The following ADAMTS20 variants were observed in gnomAD, a reference collection of about 807,000 sequenced individuals.
The protein encoded by ADAMTS20 is A disintegrin and metalloproteinase with thrombospondin motifs 20.
Under a neutral mutation model 260.1 loss-of-function variants are expected in ADAMTS20, and 225 were observed. The observed-to-expected ratio is 0.87, with a 90% CI of 0.78 to 0.97. The LOEUF is 0.97. Ranked by LOEUF, ADAMTS20 falls within the 50% of genes least tolerant of loss-of-function variation. The probability of loss-of-function intolerance (pLI) is 0.00; values close to 1 mark genes in which losing one functional copy is unlikely to be tolerated. For synonymous variants in ADAMTS20, 802 were observed against 769.5 expected, an observed-to-expected ratio of 1.04 and a Z score of -0.70; for missense variants, 2,400 against 2,337.7, an observed-to-expected ratio of 1.03 and a Z score of -0.55.
intron 7 of ADAMTS20, among the ~76,000 whole-genome samples, chr12:43,472,061 C>T (rs951650362): frequency 2.0e-5 from 3 of 151,822 alleles, no homozygotes; most frequent in Non-Finnish European, 2.9e-5. Flanking sequence ...ACATTCAAAC[C>T]AAAGGCAGAG....
chr12:43,377,266 A>T lies in ADAMTS20; in HGVS notation c.4995+99T>A, dbSNP rs778214099. 3.4e-4 allele frequency: 355 copies of T among 1,045,382 alleles called. 1 individual carries two copies. The highest frequency in any genetic ancestry group is 4.4e-4 in the Non-Finnish European group (332 of 746,994). 64.8% of individuals were successfully genotyped at this position (1,045,382 alleles called of 1,614,324 possible). On this transcript the variant is annotated intron_variant, in intron 32 of 38. Coordinates refer to ENST00000389420, the MANE Select transcript of ADAMTS20 (RefSeq NM_025003.5). ...ATTTTAGAAAATAGTGGTCTGAGGC[A>T]ACTCTGAGGATCTAGTTAGACATAC...
intron 7 of ADAMTS20, among the ~76,000 whole-genome samples, chr12:43,477,655 T>C (rs1942379772): frequency 6.6e-6 from 1 of 150,926 alleles, no homozygotes; most frequent in East Asian, 1.9e-4. Context: ...GTCTCTTTCT[T>C]TCTCTCTCTC....
intron 31 of ADAMTS20, among the ~76,000 whole-genome samples, chr12:43,379,030 C>T (rs545699652): frequency 2.0e-5 from 3 of 152,246 alleles, no homozygotes; most frequent in East Asian, 3.9e-4. Flanking sequence ...AATCAACAGC[C>T]CTGTGATTAT....
intron 3 of ADAMTS20, among the ~76,000 whole-genome samples, chr12:43,518,577 C>A (rs1283863789): frequency 6.6e-6 from 1 of 151,978 alleles, no homozygotes; most frequent in Non-Finnish European, 1.5e-5. Context: ...TCTCATTCAG[C>A]CTTATATCTT....
At chr12:43,433,703 AACACACACACACACACAC>A (rs56226241) in intron 19 of ADAMTS20, 7 of 356,866 alleles carry the variant, frequency 2.0e-5, no homozygotes, top group Admixed American at 3.8e-5. Flanking sequence ...TGCACACACA[AACACACACACACACACAC>A]ACACACACAC....
chr12:43,521,966 G>A (rs1302609212), intron 3 of ADAMTS20, among the ~76,000 whole-genome samples: 1 of 152,010 alleles, frequency 6.6e-6, no homozygotes, highest in Admixed American at 6.6e-5. Context: ...AAGACTATAA[G>A]AATAAATAAA....
intron 28 of ADAMTS20, among the ~76,000 whole-genome samples, chr12:43,401,296 T>C (rs1258828169): frequency 1.3e-5 from 2 of 151,990 alleles, no homozygotes; most frequent in African/African-American, 2.4e-5. Context: ...GTGTCTGTTT[T>C]GTAAAATTCC....
At position 43,464,751 on chromosome 12, in the gene ADAMTS20, A is replaced by G; in HGVS notation, c.1368-19T>C. 6.2e-7 allele frequency: 1 copy of G among 1,602,256 alleles called. No homozygotes were observed. Among genetic ancestry groups the G allele is most frequent in the Non-Finnish European group, 8.5e-7 (1 of 1,174,624 alleles). On this transcript the variant is annotated intron_variant, in intron 9 of 38. Coordinates refer to ENST00000389420, the MANE Select transcript of ADAMTS20 (RefSeq NM_025003.5). ...ACCAGTACTGTAACAGTGACAGAAA[A>G]TAAAATATTGTGAATACACATGGAT... is the stretch of plus-strand genomic sequence containing the variant.
At chr12:43,466,582 C>T in intron 9 of ADAMTS20, 70 bp downstream of exon 9, 1 of 1,432,986 alleles carries the variant, frequency 7.0e-7, no homozygotes, top group Non-Finnish European at 9.6e-7. Flanking sequence ...AATTGAACCA[C>T]CTTTAAAAAT....
chr12:43,388,211 A>G (rs1271787876), intron 29 of ADAMTS20, among the ~76,000 whole-genome samples: 1 of 152,146 alleles, frequency 6.6e-6, no homozygotes, highest in East Asian at 1.9e-4. Context: ...GGGGAAAAGC[A>G]TAGTATCCGG....
chr12:43,433,694 GCACACACAAACACACACACACA>G (rs1420049593), intron 19 of ADAMTS20: 1 of 309,938 alleles, frequency 3.2e-6, no homozygotes, highest in East Asian at 1.1e-4. Context: ...ACACACACAT[GCACACACAAACACACACACACA>G]CACACACACA....
intron 3 of ADAMTS20, among the ~76,000 whole-genome samples, chr12:43,504,817 G>A (rs563672668): frequency 7.3e-5 from 11 of 151,516 alleles, no homozygotes; most frequent in Non-Finnish European, 1.5e-4. Context: ...ATTCAACCAA[G>A]AGACAAAAAA....
At chr12:43,366,846 A>T (rs1939997431) in intron 37 of ADAMTS20, among the ~76,000 whole-genome samples, 1 of 151,924 alleles carries the variant, frequency 6.6e-6, no homozygotes, top group Non-Finnish European at 1.5e-5. Context: ...AAAAGGAAAA[A>T]TAATCTCAAA....
chr12:43,354,385 A>G, intron 38 of ADAMTS20, 87 bp from the exon 39 acceptor site: 1 of 930,654 alleles, frequency 1.1e-6, no homozygotes, highest in Non-Finnish European at 1.7e-6. Flanking sequence ...GCTTTGAATC[A>G]TATGGCTAAA....
intron 7 of ADAMTS20, among the ~76,000 whole-genome samples, chr12:43,484,946 C>T (rs138748839): frequency 1.3e-5 from 2 of 152,114 alleles, no homozygotes; most frequent in East Asian, 1.9e-4. Flanking sequence ...CAGGGCCAGA[C>T]GGATTCACTA....
At chr12:43,439,782 A>C in intron 17 of ADAMTS20, 31 bp from the exon 18 acceptor site, 1 of 1,574,250 alleles carries the variant, frequency 6.4e-7, no homozygotes, top group Non-Finnish European at 8.6e-7. Flanking sequence ...ACATACAATT[A>C]ATACATAAAA....
chr12:43,552,011 C>T lies in ADAMTS20; in HGVS notation c.-90G>A. The T allele has an allele frequency of 1.8e-6, 2 of 1,082,786 alleles. No homozygotes were observed. The highest frequency in any genetic ancestry group is 2.1e-4 in the Middle Eastern group (1 of 4,738). The allele number at this position is 1,082,786 out of a possible 1,614,324, so 67.1% of individuals were successfully genotyped here. On this transcript the variant is annotated 5_prime_UTR_variant, in exon 1 of 39. Transcript: ENST00000389420. ...CCTCGCGCTCCGATCCCTCTCCTCC[C>T]TCTCGCCCGCCGCTCTCCGCGCCTC... is the stretch of plus-strand genomic sequence containing the variant.
chr12:43,455,954 T>C (rs906004397), intron 11 of ADAMTS20, among the ~76,000 whole-genome samples: 2 of 152,160 alleles, frequency 1.3e-5, no homozygotes, highest in African/African-American at 4.8e-5. Context: ...CCTTTAGATA[T>C]TGTGAAAAAT....
At chr12:43,488,019 T>C in intron 7 of ADAMTS20, among the ~76,000 whole-genome samples, 1 of 152,168 alleles carries the variant, frequency 6.6e-6, no homozygotes, top group Admixed American at 6.5e-5. Context: ...AAAAGGATTA[T>C]GAATGTAATT....
Sources: gnomAD v4.1 joint callset for allele counts (sites outside exome capture counted in the v4.1 genomes callset) on GRCh38, gnomAD v4.1.1 for gene constraint, MANE v1.5 for transcripts, NCBI Gene and HGNC (gene_info 2026-07-23, HGNC 2026-07-21) for gene names.